Variants in EFCAB5 observed in about 807,000 individuals in gnomAD.
EFCAB5 encodes EF-hand calcium binding domain 5, also known as EF-hand calcium-binding domain-containing protein 5.
In EFCAB5, 131 loss-of-function variants were observed where a neutral mutation model predicts 167.9. The ratio of observed to expected loss-of-function variants is 0.78; its 90% CI spans 0.68 to 0.90. The LOEUF is 0.90. Ranked by LOEUF, EFCAB5 falls within the 40% of genes least tolerant of loss-of-function variation. The probability of loss-of-function intolerance (pLI) is 0.00; values close to 1 mark genes in which losing one functional copy is unlikely to be tolerated. For synonymous variants in EFCAB5, 574 were observed against 602.8 expected (o/e 0.95, Z 0.70); for missense variants, 1,663 against 1,745.2 (o/e 0.95, Z 0.84).
intron 4 of EFCAB5, among the ~76,000 whole-genome samples, chr17:29,992,493 G>A (rs532081798): frequency 4.5e-4 from 68 of 152,190 alleles, no homozygotes; most frequent in African/African-American, 1.3e-3. Context: ...GACTACAGGC[G>A]CATGCCACCA....
At chr17:29,981,567 A>G (rs2068176124) in intron 4 of EFCAB5, among the ~76,000 whole-genome samples, 1 of 152,174 alleles carries the variant, frequency 6.6e-6, no homozygotes, top group Non-Finnish European at 1.5e-5. Flanking sequence ...GCTACAATAT[A>G]AGCAGGAACT....
chr17:29,933,424 T>C (rs139500213), intron 1 of EFCAB5, among the ~76,000 whole-genome samples: 3 of 152,324 alleles, frequency 2.0e-5, no homozygotes, highest in African/African-American at 7.2e-5. Flanking sequence ...TCCACCCTGG[T>C]TCCTCCTAGG....
chr17:30,084,112 T>A lies in EFCAB5; in HGVS notation c.3579+1069T>A, dbSNP rs183601752. On this transcript the variant is annotated intron_variant, in intron 18 of 22. Transcript: ENST00000394835. ...GTCCCTTGGCTGGCCCACACAGGCA[T>A]GTCCACACTTCCCTCCGGGCTGCTT... 1.7e-3 allele frequency among the ~76,000 whole-genome samples: 255 copies of A among 152,276 alleles called. 1 individual carries two copies. Among genetic ancestry groups the A allele is most frequent in the Admixed American group, 2.5e-3 (39 of 15,300 alleles).
At chr17:30,014,661 T>G (rs7225483) in intron 7 of EFCAB5, among the ~76,000 whole-genome samples, 67,548 of 151,894 alleles carry the variant, frequency 0.44, 15,631 homozygotes, top group Non-Finnish European at 0.51. Flanking sequence ...TGGTAGATCT[T>G]CCTCCATCCC....
chr17:29,938,157 A>G (rs2067261372), upstream of EFCAB5, among the ~76,000 whole-genome samples: 1 of 152,236 alleles, frequency 6.6e-6, no homozygotes, highest in Admixed American at 6.5e-5. Context: ...GTTCCAGACC[A>G]CTACAATAAA....
chr17:30,078,228 C>G lies in EFCAB5; in HGVS notation c.2751C>G (p.Ile917Met). ...KESMKKAKLH[I>M]QFPKPHPGHE... ...TGTGTCTTTTAGCTAAACTACACAT[C>G]CAATTTCCAAAGCCACACCCTGGTC... is the stretch of plus-strand genomic sequence containing the variant. Residue 917 changes from isoleucine (I) to methionine (M), a missense_variant, in exon 15 of 23, where the codon ATC (isoleucine) becomes ATG (methionine). Ile to Met is a conservative substitution (Grantham distance 10, BLOSUM62 1). Coordinates refer to ENST00000394835, the MANE Select transcript of EFCAB5 (RefSeq NM_198529.4). 1.2e-6 allele frequency: 2 copies of G among 1,611,400 alleles called. No individual in the cohort carries two copies. The highest frequency in any genetic ancestry group is 1.7e-6 in the Non-Finnish European group (2 of 1,178,282).
chr17:30,100,074 A>G (rs1392590149), intron 22 of EFCAB5, among the ~76,000 whole-genome samples: 1 of 152,176 alleles, frequency 6.6e-6, no homozygotes, highest in South Asian at 2.1e-4. Context: ...ATTCTGGGAT[A>G]TACAGAAGGT....
In EFCAB5 at chr17:30,057,819, G is replaced by A. The variant is rs183004596; in HGVS notation, c.2509G>A (p.Glu837Lys). 4.5e-5 allele frequency: 72 copies of A among 1,613,800 alleles called. No individual in the cohort carries two copies. Among genetic ancestry groups the A allele is most frequent in the African/African-American group, 1.9e-4 (14 of 74,992 alleles). ...TGAAGACGCTCCCTTGAGTGTCAGC[G>A]AGACTCTCACCTCCTTTTTTAAGGA... The part of the protein sequence containing the change: ...VGEDAPLSVS[E>K]TLTSFFKEGY... Residue 837 changes from glutamate to lysine, a missense_variant, in exon 13 of 23, where the codon GAG (glutamate) becomes AAG (lysine). Glu to Lys is a moderately conservative substitution (Grantham distance 56). Transcript: ENST00000394835.
At chr17:29,972,813 G>A (rs1373683123) in intron 4 of EFCAB5, 1 of 218,566 alleles carries the variant, frequency 4.6e-6, no homozygotes, top group South Asian at 8.1e-5. Flanking sequence ...GTGAGCTCCA[G>A]GCCTGTTGAT....
intron 7 of EFCAB5, among the ~76,000 whole-genome samples, chr17:30,017,419 A>G (rs1285675358): frequency 6.6e-6 from 1 of 152,078 alleles, no homozygotes; most frequent in Non-Finnish European, 1.5e-5. Context: ...TGAACATCAA[A>G]ACAGGTTTAT....
At position 30,092,903 on chromosome 17, in the gene EFCAB5, G is replaced by T; in HGVS notation, c.4288G>T (p.Val1430Phe). 6.2e-7 allele frequency: 1 copy of T among 1,611,526 alleles called. No individual in the cohort carries two copies. Among genetic ancestry groups the T allele is most frequent in the Non-Finnish European group, 8.5e-7 (1 of 1,178,892 alleles). Reference protein sequence around the residue: ...AFDPTAKHVEVNVQLIDEYIR... With the variant: ...AFDPTAKHVEFNVQLIDEYIR... ...TGATCCAACTGCCAAGCATGTGGAA[G>T]TTAATGTACAGCTTATTGATGAATA... The change falls in exon 22 of 23, where the codon GTT (valine) becomes TTT (phenylalanine). Residue 1430 changes from valine to phenylalanine, a missense_variant. Val to Phe is a conservative substitution (Grantham distance 50, BLOSUM62 -1). Transcript: ENST00000394835.
chr17:30,057,848 C>T lies in EFCAB5; in HGVS notation c.2538C>T (p.Gly846=). 1.2e-6 allele frequency: 2 copies of T among 1,613,638 alleles called. No homozygotes were observed. The highest frequency in any genetic ancestry group is 2.2e-5 in the East Asian group (1 of 44,876). ...SETLTSFFKE[G]YVETEQEKMN... is the part of the protein sequence containing the mutation. ...CTCTCACCTCCTTTTTTAAGGAGGG[C>T]TATGTTGAAACAGAACAAGAGAAAA... Residue 846 remains glycine, a synonymous_variant, in exon 13 of 23, where the codon GGC becomes GGT. Transcript: ENST00000394835.
intron 8 of EFCAB5, among the ~76,000 whole-genome samples, chr17:30,043,832 A>G (rs1466434705): frequency 6.6e-6 from 1 of 152,236 alleles, no homozygotes. Flanking sequence ...ACACAATTCC[A>G]ATCCAAATCC....
intron 7 of EFCAB5, among the ~76,000 whole-genome samples, chr17:30,007,869 C>T (rs770888787): frequency 5.9e-5 from 9 of 152,066 alleles, no homozygotes; most frequent in Admixed American, 2.0e-4. Context: ...CGCCTGTAAT[C>T]CCAGCTACTC....
chr17:29,994,118 AC>A (rs1274761229), intron 5 of EFCAB5, among the ~76,000 whole-genome samples: 1 of 115,010 alleles, frequency 8.7e-6, no homozygotes, highest in Non-Finnish European at 1.8e-5. Flanking sequence ...AAACAAAACA[AC>A]AACAACAACA....
upstream of EFCAB5, among the ~76,000 whole-genome samples, chr17:29,937,145 AC>A (rs2067251981): frequency 6.6e-6 from 1 of 152,128 alleles, no homozygotes; most frequent in African/African-American, 2.4e-5. Context: ...CACAGGCCAA[AC>A]AGGCAAGTTA....
intron 3 of EFCAB5, among the ~76,000 whole-genome samples, chr17:29,947,457 A>C (rs916047757): frequency 3.3e-5 from 5 of 152,158 alleles, no homozygotes; most frequent in African/African-American, 1.2e-4. Context: ...AAAAAACTGC[A>C]TATTGGGTAC....
intron 18 of EFCAB5, among the ~76,000 whole-genome samples, chr17:30,084,834 G>A (rs2071056433): frequency 6.6e-6 from 1 of 152,174 alleles, no homozygotes; most frequent in Non-Finnish European, 1.5e-5. Context: ...GGCAGAAGTA[G>A]AGTGCAACTG....
At chr17:29,981,330 G>A (rs1040261805) in intron 4 of EFCAB5, among the ~76,000 whole-genome samples, 8 of 152,062 alleles carry the variant, frequency 5.3e-5, no homozygotes, top group Admixed American at 2.0e-4. Flanking sequence ...GATTTCTTTC[G>A]TTCTTAAACA....
Sources: gnomAD v4.1 joint callset for allele counts (sites outside exome capture counted in the v4.1 genomes callset) on GRCh38, gnomAD v4.1.1 for gene constraint, MANE v1.5 for transcripts, NCBI Gene and HGNC (gene_info 2026-07-23, HGNC 2026-07-21) for gene names.